The following ST18 variants were observed in gnomAD, a reference collection of about 807,000 sequenced individuals.
ST18 encodes suppression of tumorigenicity 18 protein.
ST18 carries 50 observed loss-of-function variants against 110.0 expected under a neutral mutation model. The ratio of observed to expected loss-of-function variants is 0.45; its 90% CI spans 0.36 to 0.58. The LOEUF is 0.58. Ranked by LOEUF, ST18 falls within the 20% of genes least tolerant of loss-of-function variation. The pLI is 0.00. For missense variants in ST18, 1,306 were observed against 1,280.1 expected, an observed-to-expected ratio of 1.02 and a Z score of -0.31; for synonymous variants, 461 against 452.4, an observed-to-expected ratio of 1.02 and a Z score of -0.24.
rs2061481726 is a variant in ST18, at chr8:52,161,624, C to T, written c.1401-56G>A. ...AATACAATGAAACTACTGGTGAGCA[C>T]ATTAGTGTCAGAATTTACAGTAGAT... On this transcript the variant is annotated intron_variant, in intron 13 of 25. Coordinates refer to ENST00000689386, the MANE Select transcript of ST18 (RefSeq NM_001352837.2). 27 of 1,574,556 alleles carry T rather than the reference C, an allele frequency of 1.7e-5. No individual in the cohort carries two copies. In the South Asian group the frequency reaches 2.1e-4, roughly 12 times the overall value.
chr8:52,291,784 T>C (rs189669859), intron 2 of ST18, among the ~76,000 whole-genome samples: 204 of 152,216 alleles, frequency 1.3e-3, no homozygotes, highest in Non-Finnish European at 2.6e-3. Context: ...TGTTTGTTTG[T>C]TTTTAATGGA....
At chr8:52,115,699 G>T (rs1003699409) in intron 25 of ST18, among the ~76,000 whole-genome samples, 2 of 152,148 alleles carry the variant, frequency 1.3e-5, no homozygotes, top group Admixed American at 1.3e-4. Context: ...ACATTTCTTA[G>T]AACGTGTGCC....
At chr8:52,290,684 A>G (rs1302797293) in intron 2 of ST18, among the ~76,000 whole-genome samples, 1 of 151,950 alleles carries the variant, frequency 6.6e-6, no homozygotes, top group African/African-American at 2.4e-5. Context: ...GCATCCAGTT[A>G]TCTCCTTTTA....
intron 16 of ST18, among the ~76,000 whole-genome samples, chr8:52,148,728 T>G (rs1307079281): frequency 1.9e-4 from 25 of 131,250 alleles, no homozygotes; most frequent in East Asian, 6.7e-4. Flanking sequence ...AGGGGAGCGA[T>G]GGGAAGGGAA....
At chr8:52,149,628 T>A (rs1244547845) in intron 16 of ST18, 104 bp downstream of exon 16, 1 of 1,428,054 alleles carries the variant, frequency 7.0e-7, no homozygotes, top group Non-Finnish European at 9.4e-7. Flanking sequence ...CAGAATTATG[T>A]ATTATCTAAA....
At position 52,247,375 on chromosome 8, in the gene ST18, T is replaced by A. The variant is rs143512659; in HGVS notation, c.-464-17298A>T. Among the ~76,000 whole-genome samples the A allele has an allele frequency of 1.2e-3, 180 of 152,294 alleles. 1 individual carries two copies. Among genetic ancestry groups the A allele is most frequent in the African/African-American group, 3.7e-3 (152 of 41,556 alleles). ...AAAAGTAATGATCTGGGCCTTCTCATCTTAATGACAATACAGACCTATTCT... is the reference window on the plus strand; with the variant it reads ...AAAAGTAATGATCTGGGCCTTCTCAACTTAATGACAATACAGACCTATTCT... On this transcript the variant is annotated intron_variant, in intron 2 of 25. Transcript: ENST00000689386.
At chr8:52,151,734 C>T (rs770121753) in intron 15 of ST18, among the ~76,000 whole-genome samples, 4 of 152,008 alleles carry the variant, frequency 2.6e-5, no homozygotes, top group South Asian at 2.1e-4. Flanking sequence ...TAATGGCCAA[C>T]GTAAAGTAAA....
chr8:52,119,474 G>A (rs1008638344), intron 23 of ST18, among the ~76,000 whole-genome samples: 2 of 152,150 alleles, frequency 1.3e-5, no homozygotes, highest in South Asian at 2.1e-4. Flanking sequence ...AAGGGTACTT[G>A]GCTTGACAAT....
At chr8:52,207,290 G>C (rs1439950072) in intron 8 of ST18, among the ~76,000 whole-genome samples, 1 of 152,162 alleles carries the variant, frequency 6.6e-6, no homozygotes, top group African/African-American at 2.4e-5. Context: ...GTTTGATGGA[G>C]ACCAGTCAGA....
intron 2 of ST18, among the ~76,000 whole-genome samples, chr8:52,271,050 C>T (rs1323210018): frequency 7.9e-5 from 12 of 151,960 alleles, no homozygotes; most frequent in East Asian, 1.9e-4. Flanking sequence ...GGGCGCCCGC[C>T]GCCACGCCCA....
At chr8:52,400,244 A>G (rs191982134) in intron 2 of ST18, among the ~76,000 whole-genome samples, 364 of 152,092 alleles carry the variant, frequency 2.4e-3, no homozygotes, top group Middle Eastern at 0.017. Context: ...TTCAGTTACT[A>G]TTTGCATGGA....
chr8:52,149,823 G>C lies in ST18; in HGVS notation c.1961C>G (p.Ala654Gly). The change falls in exon 16 of 26, where the codon GCA (alanine) becomes GGA (glycine). Residue 654 changes from alanine (A) to glycine (G), a missense_variant. Transcript: ENST00000689386. ...PFKTSSILVN[A>G]AFYQALCDQE... ...GTCACAAAGAGCCTGATAGAATGCT[G>C]CATTGACCAGAATGCTGCTTGTTTT... 1 of 1,614,166 alleles carries C rather than the reference G, an allele frequency of 6.2e-7. No homozygotes were observed. The highest frequency in any genetic ancestry group is 8.5e-7 in the Non-Finnish European group (1 of 1,180,018).
intron 23 of ST18, among the ~76,000 whole-genome samples, chr8:52,120,848 C>T (rs147768605): frequency 6.4e-4 from 97 of 151,944 alleles, no homozygotes; most frequent in African/African-American, 2.3e-3. Flanking sequence ...GAAGTGAGGT[C>T]AAGAGAAGGA....
chr8:52,320,479 C>T (rs1352444288), intron 2 of ST18, among the ~76,000 whole-genome samples: 1 of 152,092 alleles, frequency 6.6e-6, no homozygotes, highest in Non-Finnish European at 1.5e-5. Flanking sequence ...ACAAGGAATT[C>T]TTTTTCAGTA....
chr8:52,269,014 G>GAGGATGTCAGACATC (rs2094979705), intron 2 of ST18, among the ~76,000 whole-genome samples: 2 of 152,226 alleles, frequency 1.3e-5, no homozygotes, highest in Non-Finnish European at 2.9e-5. Context: ...CCTCAGTATA[G>GAGGATGTCAGACATC]AATGCTGACA....
At chr8:52,116,121 G>C (rs1432803637) in intron 25 of ST18, 154 bp downstream of exon 25, 2 of 729,928 alleles carry the variant, frequency 2.7e-6, no homozygotes, top group Non-Finnish European at 4.1e-6. Flanking sequence ...CCCAGAGAGG[G>C]AGATTACTCC....
intron 2 of ST18, among the ~76,000 whole-genome samples, chr8:52,352,393 T>G (rs1820773643): frequency 6.6e-6 from 1 of 152,160 alleles, no homozygotes; most frequent in African/African-American, 2.4e-5. Flanking sequence ...CTCAACTGGG[T>G]GCCTTTTTTG....
intron 16 of ST18, among the ~76,000 whole-genome samples, chr8:52,149,253 TG>T (rs1405482284): frequency 6.6e-6 from 1 of 152,246 alleles, no homozygotes; most frequent in East Asian, 1.9e-4. Flanking sequence ...TTCGATCCAA[TG>T]CCTTAAACAA....
chr8:52,293,785 T>C (rs1379379945), intron 2 of ST18, among the ~76,000 whole-genome samples: 1 of 152,308 alleles, frequency 6.6e-6, no homozygotes, highest in Non-Finnish European at 1.5e-5. Context: ...TAGGATATAT[T>C]TATAAATAAT....
Sources: gnomAD v4.1 joint callset for allele counts (sites outside exome capture counted in the v4.1 genomes callset) on GRCh38, gnomAD v4.1.1 for gene constraint, MANE v1.5 for transcripts, NCBI Gene and HGNC (gene_info 2026-07-23, HGNC 2026-07-21) for gene names.